Variants in CFAP61 observed in about 807,000 individuals in gnomAD.
The protein encoded by CFAP61 is cilia- and flagella-associated protein 61.
A neutral mutation model predicts 135.6 loss-of-function variants in CFAP61; 107 were observed. That is an observed-to-expected ratio of 0.79 (90% CI 0.67 to 0.93). The LOEUF is 0.93. Ranked by LOEUF, CFAP61 falls within the 40% of genes least tolerant of loss-of-function variation. The pLI is 0.00. For missense variants in CFAP61, 1,507 were observed against 1,556.2 expected (o/e 0.97, Z 0.53); for synonymous variants, 575 against 578.5 (o/e 0.99, Z 0.09).
intron 13 of CFAP61, among the ~76,000 whole-genome samples, chr20:20,171,600 A>C (rs2054229005): frequency 6.6e-6 from 1 of 152,204 alleles, no homozygotes; most frequent in African/African-American, 2.4e-5. Flanking sequence ...CGATGTCTCA[A>C]AAATATCACA....
At chr20:20,113,015 G>A (rs1228691364) in intron 8 of CFAP61, among the ~76,000 whole-genome samples, 1 of 152,024 alleles carries the variant, frequency 6.6e-6, no homozygotes, top group Non-Finnish European at 1.5e-5. Flanking sequence ...TTTGCATTGT[G>A]GTTAGAAAAT....
At chr20:20,238,034 AT>A (rs1464066188) in intron 18 of CFAP61, among the ~76,000 whole-genome samples, 1 of 152,194 alleles carries the variant, frequency 6.6e-6, no homozygotes, top group Non-Finnish European at 1.5e-5. Context: ...CAAAATAAAA[AT>A]TTTTTTAAAA....
intron 8 of CFAP61, among the ~76,000 whole-genome samples, chr20:20,109,419 T>G (rs1283913819): frequency 6.6e-6 from 1 of 152,170 alleles, no homozygotes; most frequent in Non-Finnish European, 1.5e-5. Flanking sequence ...TACTTGAGGC[T>G]GTTGAGCTCT....
chr20:20,262,952 T>G lies in CFAP61; in HGVS notation c.2329-4T>G, dbSNP rs1239884707. The G allele has an allele frequency of 1.2e-6, 2 of 1,604,198 alleles. No individual in the cohort carries two copies. The highest frequency in any genetic ancestry group is 2.2e-5 in the East Asian group (1 of 44,674). On this transcript the variant is annotated splice_region_variant and splice_polypyrimidine_tract_variant and intron_variant, in intron 20 of 26. Coordinates refer to ENST00000245957, the MANE Select transcript of CFAP61 (RefSeq NM_015585.4). ...GAAATAAGCATTTCTCTAACATGCTTCAGGTCCCATGCCCTACAGAGGCTG... is the reference window on the plus strand; with the variant it reads ...GAAATAAGCATTTCTCTAACATGCTGCAGGTCCCATGCCCTACAGAGGCTG...
intron 8 of CFAP61, among the ~76,000 whole-genome samples, chr20:20,113,859 A>C (rs776484952): frequency 2.0e-5 from 3 of 151,208 alleles, no homozygotes; most frequent in Non-Finnish European, 4.4e-5. Context: ...ATTACCATAG[A>C]CTTATGATAA....
chr20:20,067,202 C>T (rs996190930), intron 2 of CFAP61, among the ~76,000 whole-genome samples: 9 of 151,510 alleles, frequency 5.9e-5, no homozygotes, highest in Non-Finnish European at 1.0e-4. Context: ...GTGTGACATA[C>T]GTGTGTATGT....
chr20:20,151,332 T>G (rs1267164533), intron 9 of CFAP61, among the ~76,000 whole-genome samples: 1 of 112,458 alleles, frequency 8.9e-6, no homozygotes, highest in Admixed American at 9.7e-5. Flanking sequence ...GCTTTCAAAT[T>G]AACCCAATTA....
chr20:20,308,193 G>T (rs774858766), intron 25 of CFAP61, among the ~76,000 whole-genome samples: 2 of 152,172 alleles, frequency 1.3e-5, no homozygotes, highest in Non-Finnish European at 2.9e-5. Context: ...CTGTAGGCCA[G>T]TTGCATCCAT....
Position 20,191,326 on chromosome 20 carries a change from A to G in CFAP61, c.1513-16A>G. On this transcript the variant is annotated splice_polypyrimidine_tract_variant and intron_variant, in intron 14 of 26. Coordinates refer to ENST00000245957, the MANE Select transcript of CFAP61 (RefSeq NM_015585.4). ...CATATTTTTAAGGGTCTTAAAATAT[A>G]TGCTTATCTTTTCAGGATGGAACAC... 1 of 1,609,628 alleles carries G rather than the reference A, an allele frequency of 6.2e-7. No homozygotes were observed.
At chr20:20,151,256 G>A (rs1358255102) in intron 9 of CFAP61, among the ~76,000 whole-genome samples, 1 of 151,366 alleles carries the variant, frequency 6.6e-6, no homozygotes, top group Non-Finnish European at 1.5e-5. Flanking sequence ...AATACAAAAT[G>A]CACTTGAAAG....
intron 6 of CFAP61, among the ~76,000 whole-genome samples, chr20:20,083,845 A>G (rs1389369485): frequency 6.6e-6 from 1 of 152,242 alleles, no homozygotes; most frequent in Non-Finnish European, 1.5e-5. Flanking sequence ...AAAGCACATG[A>G]CAAATTTGAG....
chr20:20,300,770 T>C (rs2056027228), intron 25 of CFAP61, among the ~76,000 whole-genome samples: 1 of 152,000 alleles, frequency 6.6e-6, no homozygotes, highest in Non-Finnish European at 1.5e-5. Flanking sequence ...CACACCCAGC[T>C]TATTTTTGCA....
rs551976001 is a variant in CFAP61 at position 20,142,422 on chromosome 20, C to G, written c.860-435C>G. The stretch of plus-strand genomic sequence containing the variant: ...TGTAACTCACTGTGGCCTTTTCCAC[C>G]TTCTGCCTGGAGATCATTTCAAAGC... On this transcript the variant is annotated intron_variant, in intron 8 of 26. Transcript: ENST00000245957. Among the ~76,000 whole-genome samples, 22 of 152,322 alleles carry G rather than the reference C, an allele frequency of 1.4e-4. No homozygotes were observed. The East Asian group carries it at 3.9e-3, about 27-fold the overall frequency.
chr20:20,136,647 C>G (rs982040008), intron 8 of CFAP61, among the ~76,000 whole-genome samples: 1 of 152,192 alleles, frequency 6.6e-6, no homozygotes, highest in African/African-American at 2.4e-5. Context: ...CTTCTCCATG[C>G]TATCTAGAAT....
At position 20,150,220 on chromosome 20, in the gene CFAP61, G is replaced by A. The variant is rs187712429; in HGVS notation, c.951+7272G>A. 2.6e-5 allele frequency among the ~76,000 whole-genome samples: 4 copies of A among 152,130 alleles called. No homozygotes were observed. In the East Asian group the frequency reaches 7.8e-4, roughly 29 times the overall value. ...GCTTCAGTAAGCCCTGCTCAAGGAG[G>A]GTCTGAGCTCAGACCTGCCTATTCC... On this transcript the variant is annotated intron_variant, in intron 9 of 26. Coordinates refer to ENST00000245957, the MANE Select transcript of CFAP61 (RefSeq NM_015585.4).
At chr20:20,194,684 A>G (rs2056161812) in intron 15 of CFAP61, among the ~76,000 whole-genome samples, 1 of 152,096 alleles carries the variant, frequency 6.6e-6, no homozygotes, top group Non-Finnish European at 1.5e-5. Flanking sequence ...GTCACTGGTA[A>G]TGCCACCGCC....
intron 2 of CFAP61, among the ~76,000 whole-genome samples, chr20:20,058,212 G>T (rs1317247869): frequency 6.6e-6 from 1 of 151,418 alleles, no homozygotes; most frequent in Admixed American, 6.6e-5. Flanking sequence ...GAGGGCAGTA[G>T]GGCAATAGTT....
intron 2 of CFAP61, among the ~76,000 whole-genome samples, chr20:20,064,105 G>T (rs57329719): frequency 0.067 from 9,913 of 147,206 alleles, 389 homozygotes; most frequent in African/African-American, 0.11. Context: ...ACTGAGGATG[G>T]TACCACATCC....
chr20:20,141,762 C>T (rs2051420054), intron 8 of CFAP61, among the ~76,000 whole-genome samples: 1 of 152,178 alleles, frequency 6.6e-6, no homozygotes, highest in Admixed American at 6.5e-5. Flanking sequence ...AGAAGAATAC[C>T]ATGGGAGAGG....
Sources: allele counts gnomAD v4.1 joint callset (sites outside exome capture counted in the v4.1 genomes callset), GRCh38; gene constraint gnomAD v4.1.1; transcripts MANE v1.5; gene names NCBI Gene and HGNC (gene_info 2026-07-23, HGNC 2026-07-21).